The following SAMD13 variants were observed in gnomAD, a reference collection of about 807,000 sequenced individuals.
SAMD13 encodes sterile alpha motif domain-containing protein 13.
A neutral mutation model predicts 12.4 loss-of-function variants in SAMD13; 9 were observed. The ratio of observed to expected loss-of-function variants is 0.72; its 90% CI spans 0.44 to 1.26. The LOEUF is 1.26. Ranked by LOEUF, SAMD13 falls within the 50% of genes most tolerant of loss-of-function variation. The pLI, the probability that SAMD13 is intolerant of heterozygous loss-of-function variation, is 0.00. For missense variants in SAMD13, 84 were observed against 119.6 expected, an observed-to-expected ratio of 0.70 and a Z score of 1.39; for synonymous variants, 46 against 45.4, an observed-to-expected ratio of 1.01 and a Z score of -0.05.
chr1:84,325,645 A>C lies in SAMD13; in HGVS notation c.62A>C (p.Glu21Ala). Residue 21 changes from glutamate to alanine, a missense_variant, in exon 3 of 4, where the codon GAA becomes GCA. Glu to Ala is a moderately radical substitution (Grantham distance 107, BLOSUM62 -1). Transcript: ENST00000394834. ...NGSVGVKNSM[E>A]NGRPPDPADW... The stretch of plus-strand genomic sequence containing the variant: ...GGATTTGTGTTTTGCAGTTCCATGG[A>C]AAATGGGAGACCACCTGATCCTGCA... 3 of 1,607,194 alleles carry C rather than the reference A, an allele frequency of 1.9e-6. No individual in the cohort carries two copies. The highest frequency in any genetic ancestry group is 2.6e-6 in the Non-Finnish European group (3 of 1,173,948).
At chr1:84,298,874 A>ACCTCCAC (rs1284498147), upstream of SAMD13, among the ~76,000 whole-genome samples, 2 of 151,560 alleles carry the variant, frequency 1.3e-5, no homozygotes, top group African/African-American at 4.9e-5. Context: ...AGAACGCCAC[A>ACCTCCAC]CCTCCACCCT....
upstream of SAMD13, chr1:84,299,484 C>T: frequency 3.5e-6 from 2 of 568,820 alleles, no homozygotes; most frequent in Non-Finnish European, 5.2e-6. Flanking sequence ...CCCTCACCCC[C>T]ACACACCACA....
At chr1:84,320,599 A>G (rs1678922810) in intron 2 of SAMD13, among the ~76,000 whole-genome samples, 1 of 152,196 alleles carries the variant, frequency 6.6e-6, no homozygotes, top group Non-Finnish European at 1.5e-5. Context: ...GATCAATATT[A>G]ATTTATTAGA....
chr1:84,298,846 G>T (rs956705143), upstream of SAMD13, among the ~76,000 whole-genome samples: 3 of 152,006 alleles, frequency 2.0e-5, no homozygotes, highest in Non-Finnish European at 4.4e-5. Context: ...GTGGTGGCAC[G>T]ACTCGGCGGG....
At chr1:84,327,006 A>G (rs935431450) in intron 3 of SAMD13, among the ~76,000 whole-genome samples, 2 of 152,208 alleles carry the variant, frequency 1.3e-5, no homozygotes, top group African/African-American at 4.8e-5. Context: ...ATGTGGAGCA[A>G]CTGGAACTCT....
intron 3 of SAMD13, among the ~76,000 whole-genome samples, chr1:84,332,971 T>C (rs1467558234): frequency 6.6e-6 from 1 of 152,202 alleles, no homozygotes; most frequent in Non-Finnish European, 1.5e-5. Context: ...CCCAGCACCA[T>C]TTGTTGAATA....
intron 2 of SAMD13, among the ~76,000 whole-genome samples, chr1:84,312,543 A>G (rs368879356): frequency 6.6e-6 from 1 of 152,140 alleles, no homozygotes; most frequent in East Asian, 1.9e-4. Flanking sequence ...TTCAACAAAC[A>G]TATTACAGTG....
At chr1:84,318,845 AAG>A (rs1678886399) in intron 2 of SAMD13, among the ~76,000 whole-genome samples, 1 of 152,210 alleles carries the variant, frequency 6.6e-6, no homozygotes, top group Non-Finnish European at 1.5e-5. Flanking sequence ...ATAATGGATT[AAG>A]AATTGAGTCT....
At chr1:84,330,143 C>T (rs1430915017) in intron 3 of SAMD13, among the ~76,000 whole-genome samples, 3 of 152,122 alleles carry the variant, frequency 2.0e-5, no homozygotes, top group Admixed American at 6.6e-5. Flanking sequence ...TGTTTTCTTC[C>T]AGTTTTCTCA....
chr1:84,339,700 C>A (rs1258624436), intron 3 of SAMD13, among the ~76,000 whole-genome samples: 2 of 152,174 alleles, frequency 1.3e-5, no homozygotes, highest in African/African-American at 4.8e-5. Context: ...GGTGCACACA[C>A]ATCAGCTGGG....
chr1:84,309,979 T>C (rs886116254), intron 2 of SAMD13, among the ~76,000 whole-genome samples: 1 of 152,182 alleles, frequency 6.6e-6, no homozygotes, highest in Non-Finnish European at 1.5e-5. Context: ...CAGAAGGGTT[T>C]GGTATTTTTT....
intron 3 of SAMD13, chr1:84,344,798 G>A: frequency 2.4e-6 from 1 of 419,300 alleles, no homozygotes; most frequent in Non-Finnish European, 4.8e-6. Flanking sequence ...GAACAAAGAG[G>A]CATCTGAGGA....
At chr1:84,312,961 G>T (rs766541202) in intron 2 of SAMD13, among the ~76,000 whole-genome samples, 5 of 151,976 alleles carry the variant, frequency 3.3e-5, no homozygotes, top group Non-Finnish European at 7.4e-5. Flanking sequence ...AGCATGAATG[G>T]GGAGCTCTGA....
At chr1:84,302,811 G>C in intron 1 of SAMD13, 3 of 199,924 alleles carry the variant, frequency 1.5e-5, no homozygotes, top group Non-Finnish European at 8.5e-6. Context: ...ACAAATCAAA[G>C]CCCATAATGG....
intron 2 of SAMD13, among the ~76,000 whole-genome samples, chr1:84,316,982 C>T (rs543699403): frequency 1.2e-3 from 185 of 152,090 alleles, no homozygotes; most frequent in African/African-American, 4.0e-3. Flanking sequence ...GGATTGTTTT[C>T]CTAATTTCCT....
intron 3 of SAMD13, among the ~76,000 whole-genome samples, chr1:84,342,314 C>A (rs117791549): frequency 6.6e-6 from 1 of 152,224 alleles, no homozygotes; most frequent in East Asian, 1.9e-4. Flanking sequence ...AAAAGGCTAA[C>A]ATTGAAAGAC....
intron 3 of SAMD13, among the ~76,000 whole-genome samples, chr1:84,341,741 T>G (rs1679430643): frequency 6.6e-6 from 1 of 151,236 alleles, no homozygotes; most frequent in African/African-American, 2.4e-5. Flanking sequence ...TTAATGAGAA[T>G]GAGGAGTGAG....
intron 3 of SAMD13, among the ~76,000 whole-genome samples, chr1:84,347,135 G>T (rs315526): frequency 0.97 from 147,167 of 152,288 alleles, 71,211 homozygotes; most frequent in Non-Finnish European, 1. Flanking sequence ...TAGCAGTTTG[G>T]GGAGACAGGA....
chr1:84,335,291 G>T (rs1679269434), intron 3 of SAMD13, among the ~76,000 whole-genome samples: 1 of 152,076 alleles, frequency 6.6e-6, no homozygotes, highest in African/African-American at 2.4e-5. Flanking sequence ...CTTTACCATT[G>T]TGTAATGCAC....
Sources: allele counts gnomAD v4.1 joint callset (sites outside exome capture counted in the v4.1 genomes callset), GRCh38; gene constraint gnomAD v4.1.1; transcripts MANE v1.5; gene names NCBI Gene and HGNC (gene_info 2026-07-23, HGNC 2026-07-21).